CAB39: variants seen among roughly 807,000 people sequenced by gnomAD.
The protein encoded by CAB39 is calcium binding protein 39.
A neutral mutation model predicts 40.0 loss-of-function variants in CAB39; 8 were observed. That is an observed-to-expected ratio of 0.20 (90% CI 0.12 to 0.36). The LOEUF (loss-of-function observed/expected upper bound fraction) is 0.36, where lower values mean the gene tolerates loss of function less well. Among genes scored for constraint, CAB39 ranks in the 10% least tolerant of loss-of-function variants. The probability of loss-of-function intolerance (pLI) is 1.00; values close to 1 mark genes in which losing one functional copy is unlikely to be tolerated. For missense variants in CAB39, 270 were observed against 401.1 expected, an observed-to-expected ratio of 0.67 and a Z score of 2.79; for synonymous variants, 156 against 141.6, an observed-to-expected ratio of 1.10 and a Z score of -0.72.
chr2:230,714,038 G>A (rs1483484912), intron 1 of CAB39: 6 of 152,424 alleles, frequency 3.9e-5, no homozygotes, highest in African/African-American at 1.4e-4. Context: ...TGGGATTTAG[G>A]AGAGGAGGAT....
At chr2:230,740,455 A>G (rs1694856581) in intron 1 of CAB39, among the ~76,000 whole-genome samples, 1 of 152,212 alleles carries the variant, frequency 6.6e-6, no homozygotes, top group Admixed American at 6.5e-5. Context: ...ATAATTGTTC[A>G]GTCCTGCTGG....
chr2:230,771,823 G>C (rs1452832525), intron 2 of CAB39, among the ~76,000 whole-genome samples: 1 of 152,150 alleles, frequency 6.6e-6, no homozygotes, highest in Non-Finnish European at 1.5e-5. Flanking sequence ...TTTTGACAAA[G>C]GCATAAATGC....
At chr2:230,811,882 T>TG (rs1467513308) in intron 6 of CAB39, among the ~76,000 whole-genome samples, 10 of 152,244 alleles carry the variant, frequency 6.6e-5, no homozygotes, top group Non-Finnish European at 1.5e-4. Flanking sequence ...TGTTTAATCT[T>TG]GCAGTAAAAT....
chr2:230,765,067 G>C (rs1437444622), intron 2 of CAB39, among the ~76,000 whole-genome samples: 1 of 152,054 alleles, frequency 6.6e-6, no homozygotes, highest in African/African-American at 2.4e-5. Context: ...GCTCACTGCA[G>C]CCTCTGCCTC....
chr2:230,740,882 G>T (rs1694864641), intron 1 of CAB39, among the ~76,000 whole-genome samples: 1 of 152,216 alleles, frequency 6.6e-6, no homozygotes, highest in Non-Finnish European at 1.5e-5. Flanking sequence ...ATGTACAAAA[G>T]ACTTGGGTCA....
At chr2:230,764,763 GTGTC>G (rs1164979224) in intron 2 of CAB39, among the ~76,000 whole-genome samples, 2 of 152,194 alleles carry the variant, frequency 1.3e-5, no homozygotes, top group East Asian at 1.9e-4. Flanking sequence ...TCTGAATAGT[GTGTC>G]TGTCTGTCTT....
chr2:230,721,129 G>A (rs1694445066), intron 1 of CAB39, among the ~76,000 whole-genome samples: 1 of 152,100 alleles, frequency 6.6e-6, no homozygotes, highest in Non-Finnish European at 1.5e-5. Flanking sequence ...CAGCTGTGTG[G>A]TAGTATAAGA....
intron 3 of CAB39, among the ~76,000 whole-genome samples, chr2:230,791,277 A>G (rs983302399): frequency 4.6e-5 from 7 of 152,122 alleles, no homozygotes; most frequent in South Asian, 2.1e-4. Context: ...AGTTTCTTAG[A>G]TATTCATTAT....
At chr2:230,771,154 C>T (rs1695475979) in intron 2 of CAB39, among the ~76,000 whole-genome samples, 1 of 152,062 alleles carries the variant, frequency 6.6e-6, no homozygotes, top group Admixed American at 6.6e-5. Context: ...AAGGAATCTA[C>T]ACAACTAGTA....
intron 1 of CAB39, among the ~76,000 whole-genome samples, chr2:230,737,390 A>C (rs1694804758): frequency 6.6e-6 from 1 of 152,176 alleles, no homozygotes; most frequent in African/African-American, 2.4e-5. Context: ...CTACCCTCTC[A>C]GGACACCTGC....
At chr2:230,804,802 G>A (rs561431120) in intron 5 of CAB39, among the ~76,000 whole-genome samples, 6 of 152,288 alleles carry the variant, frequency 3.9e-5, no homozygotes, top group Non-Finnish European at 5.9e-5. Context: ...GTTGGTGGGC[G>A]TGTAAACTAG....
chr2:230,777,384 ATT>A (rs1339402560), intron 2 of CAB39, among the ~76,000 whole-genome samples: 1 of 147,442 alleles, frequency 6.8e-6, no homozygotes, highest in Non-Finnish European at 1.5e-5. Context: ...TTAATTTTAA[ATT>A]TTAACATCTT....
chr2:230,806,855 A>G (rs998848761), intron 5 of CAB39, among the ~76,000 whole-genome samples: 1 of 152,210 alleles, frequency 6.6e-6, no homozygotes, highest in African/African-American at 2.4e-5. Flanking sequence ...GTTTGCCAAG[A>G]TGAATGTGAA....
At chr2:230,787,786 C>G (rs1407064725) in intron 2 of CAB39, among the ~76,000 whole-genome samples, 1 of 152,140 alleles carries the variant, frequency 6.6e-6, no homozygotes, top group East Asian at 1.9e-4. Context: ...GGGAGGTTTT[C>G]TGGAGAAGAT....
At chr2:230,737,675 G>A (rs1170670766) in intron 1 of CAB39, among the ~76,000 whole-genome samples, 2 of 152,176 alleles carry the variant, frequency 1.3e-5, no homozygotes, top group Admixed American at 6.5e-5. Flanking sequence ...CAAAATTTTT[G>A]TAGAGGAAAA....
chr2:230,735,939 G>A (rs1353800576), intron 1 of CAB39, among the ~76,000 whole-genome samples: 1 of 152,194 alleles, frequency 6.6e-6, no homozygotes, highest in African/African-American at 2.4e-5. Flanking sequence ...TTACTTACCA[G>A]AAAGGAGAAC....
At chr2:230,800,636 A>T (rs1376187443) in intron 5 of CAB39, among the ~76,000 whole-genome samples, 1 of 152,154 alleles carries the variant, frequency 6.6e-6, no homozygotes, top group East Asian at 1.9e-4. Flanking sequence ...GTGTGGAAGG[A>T]CAGCCAGGAG....
intron 1 of CAB39, among the ~76,000 whole-genome samples, chr2:230,731,784 C>G (rs564817299): frequency 3.9e-5 from 6 of 152,314 alleles, no homozygotes; most frequent in Non-Finnish European, 8.8e-5. Context: ...TGTGAGCCAC[C>G]ATGCCCAGCT....
intron 2 of CAB39, among the ~76,000 whole-genome samples, chr2:230,789,347 TCTG>T (rs1695852336): frequency 6.6e-6 from 1 of 152,254 alleles, no homozygotes; most frequent in Non-Finnish European, 1.5e-5. Context: ...GTTGAGTAAT[TCTG>T]CCATCTGTGC....
Sources: allele counts gnomAD v4.1 joint callset (sites outside exome capture counted in the v4.1 genomes callset), GRCh38; gene constraint gnomAD v4.1.1; transcripts MANE v1.5; gene names NCBI Gene and HGNC (gene_info 2026-07-23, HGNC 2026-07-21).